Variants in GRM4 observed in about 807,000 individuals in gnomAD.
GRM4 encodes metabotropic glutamate receptor 4.
In GRM4, 28 loss-of-function variants were observed where a neutral mutation model predicts 81.7. That is an observed-to-expected ratio of 0.34 (90% CI 0.25 to 0.47). The LOEUF (loss-of-function observed/expected upper bound fraction) is 0.47, where lower values mean the gene tolerates loss of function less well. Ranked by LOEUF, GRM4 falls within the 20% of genes least tolerant of loss-of-function variation. The pLI, the probability that GRM4 is intolerant of heterozygous loss-of-function variation, is 1.00. For missense variants in GRM4, 948 were observed against 1,290.0 expected (o/e 0.73, Z 4.06); for synonymous variants, 488 against 528.8 (o/e 0.92, Z 1.06).
rs542202292 is a variant in GRM4 at position 34,112,017 on chromosome 6, C to T, written c.520-19918G>A. Among the ~76,000 whole-genome samples, 8 of 152,234 alleles carry T rather than the reference C, an allele frequency of 5.3e-5. No individual in the cohort carries two copies. The South Asian group carries it at 1.5e-3, about 28-fold the overall frequency. ...TCACCCCAAGTTGCACCTAAATAAA[C>T]GTAGTGGAAGGGGGGGACATGATCA... is the stretch of plus-strand genomic sequence containing the variant. On this transcript the variant is annotated intron_variant, in intron 2 of 10. Transcript: ENST00000538487.
exon 1 of GRM4, chr6:34,155,258 G>A (rs2127522596): frequency 3.3e-6 from 5 of 1,535,114 alleles, no homozygotes; most frequent in Non-Finnish European, 4.4e-6. Flanking sequence ...CTGGGCGGGA[G>A]GCGGCAGGTG....
chr6:34,065,796 T>C (rs1173858432), intron 3 of GRM4, among the ~76,000 whole-genome samples: 1 of 152,152 alleles, frequency 6.6e-6, no homozygotes, highest in Non-Finnish European at 1.5e-5. Context: ...CTGGCCCAAG[T>C]TGGATGGAGA....
intron 2 of GRM4, among the ~76,000 whole-genome samples, chr6:34,127,658 A>G (rs978369755): frequency 4.6e-5 from 7 of 152,146 alleles, no homozygotes; most frequent in African/African-American, 1.7e-4. Context: ...GGCTTCTGTA[A>G]TGGGCTGGGT....
In GRM4 at chr6:34,101,036, G is replaced by C. The variant is rs114420565; in HGVS notation, c.520-8937C>G. On this transcript the variant is annotated intron_variant, in intron 2 of 10. Coordinates refer to ENST00000538487, the MANE Select transcript of GRM4 (RefSeq NM_000841.4). ...TCACCTATGCTGACAGACACAGGGA[G>C]CGGTAAACATTAGGCTCCACCTCTG... is the stretch of plus-strand genomic sequence containing the variant. Among the ~76,000 whole-genome samples, 814 of 152,326 alleles carry C rather than the reference G, an allele frequency of 5.3e-3. 9 individuals are homozygous for C. The highest frequency in any genetic ancestry group is 0.014 in the Middle Eastern group (4 of 294).
intron 6 of GRM4, among the ~76,000 whole-genome samples, chr6:34,041,477 A>G (rs1765017558): frequency 6.6e-6 from 1 of 152,098 alleles, no homozygotes; most frequent in Non-Finnish European, 1.5e-5. Context: ...TCCCCAAGGC[A>G]CCGTGACCTG....
chr6:34,044,229 GAC>G lies in GRM4; in HGVS notation c.1169-3483_1169-3482del, dbSNP rs537542251. ...ATATACATACATACACATATATACA[GAC>G]ACACACATACACACACAGAGACATA... On this transcript the variant is annotated intron_variant, in intron 6 of 10. Coordinates refer to ENST00000538487, the MANE Select transcript of GRM4 (RefSeq NM_000841.4). 2.0e-3 allele frequency among the ~76,000 whole-genome samples: 236 copies of G among 117,778 alleles called. 2 individuals are homozygous for G. The highest frequency in any genetic ancestry group is 7.9e-3 in the African/African-American group (212 of 26,818). 77.3% of individuals were successfully genotyped at this position (117,778 alleles called of 152,430 possible).
intron 3 of GRM4, among the ~76,000 whole-genome samples, chr6:34,086,125 G>T (rs1279687333): frequency 1.3e-5 from 2 of 152,242 alleles, no homozygotes; most frequent in African/African-American, 2.4e-5. Flanking sequence ...CCTTGGCTCT[G>T]GCCGTACAGA....
At chr6:34,148,175 G>A (rs1283544933), upstream of GRM4, among the ~76,000 whole-genome samples, 1 of 152,006 alleles carries the variant, frequency 6.6e-6, no homozygotes, top group Non-Finnish European at 1.5e-5. Context: ...CAGGTTCCCA[G>A]CCTGAGGCCT....
In GRM4 at chr6:34,080,124, A is replaced by G. The variant is rs1221795552; in HGVS notation, c.736+11759T>C. ...AGGCACCACCTCAGGGCCTTTGCACATGCCAGTTCCCCTGCCTGGGGCCCT... is the reference window on the plus strand; with the variant it reads ...AGGCACCACCTCAGGGCCTTTGCACGTGCCAGTTCCCCTGCCTGGGGCCCT... On this transcript the variant is annotated intron_variant, in intron 3 of 10. Coordinates refer to ENST00000538487, the MANE Select transcript of GRM4 (RefSeq NM_000841.4). The surrounding 1 kb of genome is among the most constrained non-coding windows in gnomAD (Gnocchi z 5.4). Among the ~76,000 whole-genome samples the G allele has an allele frequency of 6.6e-6, 1 of 152,172 alleles. No individual in the cohort carries two copies. The highest frequency in any genetic ancestry group is 2.4e-5 in the African/African-American group (1 of 41,452).
Position 34,092,591 on chromosome 6 carries a change from A to G in GRM4, c.520-492T>C, listed in dbSNP as rs1396055124. 6.6e-6 allele frequency among the ~76,000 whole-genome samples: 1 copy of G among 152,026 alleles called. No individual in the cohort carries two copies. The highest frequency in any genetic ancestry group is 1.5e-5 in the Non-Finnish European group (1 of 67,976). ...CAGCCTCCTTCCTCGTGCCCTGCTCAGAGGAGATGGAGCCTCGATTCCAGC... is the reference window on the plus strand; with the variant it reads ...CAGCCTCCTTCCTCGTGCCCTGCTCGGAGGAGATGGAGCCTCGATTCCAGC... On this transcript the variant is annotated intron_variant, in intron 2 of 10. Transcript: ENST00000538487. This position sits in a 1 kb window ranked among gnomAD's most constrained non-coding sequence, Gnocchi z 6.8.
chr6:34,045,078 G>A (rs746823933), intron 6 of GRM4, among the ~76,000 whole-genome samples: 4 of 152,130 alleles, frequency 2.6e-5, no homozygotes, highest in Non-Finnish European at 5.9e-5. Flanking sequence ...AGATGCCTCA[G>A]GCCCTTCCCT....
Position 34,036,618 on chromosome 6 carries a change from A to T in GRM4, c.1507-15T>A. On this transcript the variant is annotated splice_polypyrimidine_tract_variant and intron_variant, in intron 8 of 10. Coordinates refer to ENST00000538487, the MANE Select transcript of GRM4 (RefSeq NM_000841.4). This position sits in a 1 kb window ranked among gnomAD's most constrained non-coding sequence, Gnocchi z 9.0. The stretch of plus-strand genomic sequence containing the variant: ...ATCCGCTCTATCTGGCAATGACAGC[A>T]CCGTAAAGCAGGCCTCAGAACATGC... The T allele has an allele frequency of 2.7e-6, 4 of 1,458,626 alleles. No individual in the cohort carries two copies. In the African/African-American group the frequency reaches 5.5e-5, roughly 20 times the overall value. The allele number at this position is 1,458,626 out of a possible 1,614,324, so 90.4% of individuals were successfully genotyped here. A position where few individuals can be genotyped will look rare whatever the true frequency, so the allele number is the denominator to read the frequency against.
Position 34,028,324 on chromosome 6 carries a change from T to G in GRM4, c.2485A>C (p.Ser829Arg). 1 of 1,612,380 alleles carries G rather than the reference T, an allele frequency of 6.2e-7. No individual in the cohort carries two copies. Among genetic ancestry groups the G allele is most frequent in the Non-Finnish European group, 8.5e-7 (1 of 1,179,818 alleles). ...AGCATTCCCAGGGACACCGAGGCGC[T>G]CAGACTCACCGAGACCGTCAGCGTC... ...TTTLTVSVSL[S>R]ASVSLGMLYM... Residue 829 changes from serine to arginine, a missense_variant, in exon 10 of 11, where the codon AGC becomes CGC. Transcript: ENST00000538487.
intron 3 of GRM4, among the ~76,000 whole-genome samples, chr6:34,067,418 CTCCG>C (rs1378397906): frequency 3.0e-5 from 4 of 133,766 alleles, no homozygotes; most frequent in Non-Finnish European, 6.4e-5. Flanking sequence ...CCCTCCCTCC[CTCCG>C]TCCTTCCCTC....
chr6:34,022,353 G>A lies in GRM4; in HGVS notation c.*468C>T, dbSNP rs142465235. On this transcript the variant is annotated 3_prime_UTR_variant, in exon 11 of 11. Coordinates refer to ENST00000538487, the MANE Select transcript of GRM4 (RefSeq NM_000841.4). The surrounding 1 kb of genome is among the most constrained non-coding windows in gnomAD (Gnocchi z 5.6). ...GACAAAGAGGATGAGAGAGAGAGGC[G>A]GAGGCAAGAGCCAGAAAGGAGACAC... is the stretch of plus-strand genomic sequence containing the variant. 182 of 172,812 alleles carry A rather than the reference G, an allele frequency of 1.1e-3. 2 individuals are homozygous for A. The East Asian group carries it at 0.015, about 14-fold the overall frequency. The allele number at this position is 172,812 out of a possible 1,614,324, so 10.7% of individuals were successfully genotyped here. A position where few individuals can be genotyped will look rare whatever the true frequency, so the allele number is the denominator to read the frequency against.
At chr6:34,149,107 T>C (rs780993350), upstream of GRM4, among the ~76,000 whole-genome samples, 1 of 152,212 alleles carries the variant, frequency 6.6e-6, no homozygotes, top group Non-Finnish European at 1.5e-5. Context: ...CTGCTCTTTT[T>C]CTGGCCTCCC....
intron 2 of GRM4, among the ~76,000 whole-genome samples, chr6:34,101,332 G>A (rs1561813324): frequency 6.6e-6 from 1 of 152,184 alleles, no homozygotes; most frequent in Non-Finnish European, 1.5e-5. Context: ...TGAAACTGAG[G>A]TACAGAGATG....
chr6:34,139,501 C>T (rs1211279566), intron 1 of GRM4, among the ~76,000 whole-genome samples: 1 of 152,214 alleles, frequency 6.6e-6, no homozygotes, highest in Admixed American at 6.5e-5. Context: ...GAGATCCTTC[C>T]TCCTCCAGGA....
chr6:34,149,669 T>C (rs1354471346), upstream of GRM4, among the ~76,000 whole-genome samples: 1 of 152,196 alleles, frequency 6.6e-6, no homozygotes, highest in Admixed American at 6.5e-5. Flanking sequence ...GGGACAGGTA[T>C]GAGTGACACC....
Sources: allele counts gnomAD v4.1 joint callset (sites outside exome capture counted in the v4.1 genomes callset), GRCh38; gene constraint gnomAD v4.1.1; non-coding constraint Gnocchi (gnomAD v3.1); transcripts MANE v1.5; gene names NCBI Gene and HGNC (gene_info 2026-07-23, HGNC 2026-07-21).